Variants in PRIMPOL observed in about 807,000 individuals in gnomAD.
PRIMPOL encodes the protein DNA-directed primase/polymerase protein.
A neutral mutation model predicts 63.6 loss-of-function variants in PRIMPOL; 54 were observed. That is an observed-to-expected ratio of 0.85 (90% CI 0.68 to 1.07). The LOEUF (loss-of-function observed/expected upper bound fraction) is 1.07, where lower values mean the gene tolerates loss of function less well. PRIMPOL is among the 50% of genes least tolerant of loss of function. The probability of loss-of-function intolerance (pLI) is 0.00; values close to 1 mark genes in which losing one functional copy is unlikely to be tolerated. For missense variants in PRIMPOL, 610 were observed against 648.3 expected (o/e 0.94, Z 0.64); for synonymous variants, 197 against 220.2 (o/e 0.89, Z 0.93).
chr4:184,689,746 G>T (rs539999152), intron 11 of PRIMPOL, among the ~76,000 whole-genome samples: 1 of 152,068 alleles, frequency 6.6e-6, no homozygotes, highest in Non-Finnish European at 1.5e-5. Flanking sequence ...GAGCCACCAT[G>T]CCCGGCCTGA....
intron 2 of PRIMPOL, among the ~76,000 whole-genome samples, chr4:184,654,264 T>C (rs1336736584): frequency 2.0e-5 from 3 of 152,246 alleles, no homozygotes; most frequent in Non-Finnish European, 4.4e-5. Context: ...ATTCTGTATT[T>C]ATTTTCTTCA....
At chr4:184,672,095 T>C in intron 6 of PRIMPOL, 78 bp from the exon 7 acceptor site, 3 of 1,290,534 alleles carry the variant, frequency 2.3e-6, no homozygotes, top group East Asian at 2.3e-5. Context: ...AAAATTGTCA[T>C]ATGTGGATTC....
chr4:184,657,458 A>C, intron 3 of PRIMPOL, 138 bp downstream of exon 3: 1 of 644,454 alleles, frequency 1.6e-6, no homozygotes, highest in East Asian at 2.9e-5. Context: ...TTCTACCAAG[A>C]AAATTTAATG....
chr4:184,676,399 C>CCCCTTCCCTTCT (rs767868004), intron 7 of PRIMPOL, among the ~76,000 whole-genome samples: 2 of 95,220 alleles, frequency 2.1e-5, no homozygotes, highest in African/African-American at 4.9e-5. Flanking sequence ...CCTTCCCTTC[C>CCCCTTCCCTTCT]CCCTTCCCTT....
At position 184,685,920 on chromosome 4, in the gene PRIMPOL, G is replaced by A. The variant is rs553146128; in HGVS notation, c.1295+236G>A. Among the ~76,000 whole-genome samples the A allele has an allele frequency of 3.9e-5, 6 of 152,134 alleles. No individual in the cohort carries two copies. In the South Asian group the frequency reaches 8.3e-4, roughly 21 times the overall value. ...GGGTTCTAGCAATTCTCCTGCCTCA[G>A]CCTCCTAAGTAGCTGGGATTACAGG... On this transcript the variant is annotated intron_variant, in intron 11 of 13. Transcript: ENST00000314970.
rs753688620 is a variant in PRIMPOL at position 184,691,680 on chromosome 4, G to A, written c.1393G>A (p.Ala465Thr). The change falls in exon 13 of 14, where the codon GCT (alanine) becomes ACT (threonine). Residue 465 changes from alanine (A) to threonine (T), a missense_variant. Ala to Thr is a moderately conservative substitution (Grantham distance 58). This residue lies in a region of PRIMPOL where 444 missense variants were observed against 456.4 expected (regional missense o/e 0.97). Transcript: ENST00000314970. ...NFKSDCFPLPAEVCLLFLFKE... is the reference protein window; with the variant it reads ...NFKSDCFPLPTEVCLLFLFKE... ...TTCTGATTCAGGTTTCCCATTACCT[G>A]CTGAAGTATGTCTCCTGTTTCTTTT... 16 of 1,612,276 alleles carry A rather than the reference G, an allele frequency of 9.9e-6. No homozygotes were observed. The highest frequency in any genetic ancestry group is 1.4e-5 in the Non-Finnish European group (16 of 1,178,704).
intron 9 of PRIMPOL, 96 bp from the exon 10 acceptor site, chr4:184,685,313 T>C (rs1321920766): frequency 1.1e-6 from 1 of 874,236 alleles, no homozygotes; most frequent in Non-Finnish European, 1.9e-6. Flanking sequence ...GGCTGAGAGA[T>C]TGCAAAACCC....
chr4:184,665,181 A>T (rs2705902), intron 5 of PRIMPOL, among the ~76,000 whole-genome samples: 26,486 of 151,604 alleles, frequency 0.17, 3,509 homozygotes, highest in East Asian at 0.7. Flanking sequence ...AAGCAGTTAC[A>T]TGTGCTAAAA....
intron 8 of PRIMPOL, among the ~76,000 whole-genome samples, chr4:184,680,305 A>G (rs138825450): frequency 1.2e-3 from 186 of 152,240 alleles, no homozygotes; most frequent in African/African-American, 4.2e-3. Flanking sequence ...CTCCTGCCTC[A>G]GCCTCCCAAG....
intron 6 of PRIMPOL, among the ~76,000 whole-genome samples, chr4:184,667,549 A>T (rs1017041713): frequency 2.0e-5 from 3 of 152,130 alleles, no homozygotes; most frequent in Admixed American, 6.5e-5. Context: ...TGACCTTGTG[A>T]TCTGCCCGCC....
In PRIMPOL at chr4:184,691,790, C is replaced by T. The variant is rs144825071; in HGVS notation, c.1425+78C>T. On this transcript the variant is annotated intron_variant, in intron 13 of 13. Coordinates refer to ENST00000314970, the MANE Select transcript of PRIMPOL (RefSeq NM_152683.4). ...AGTATACCTGAGCCATGAGTAGTGTCCAAATAGCATTGAAACCCATTTGCT... is the reference window on the plus strand; with the variant it reads ...AGTATACCTGAGCCATGAGTAGTGTTCAAATAGCATTGAAACCCATTTGCT... The T allele has an allele frequency of 3.5e-3, 3,787 of 1,086,786 alleles. 11 individuals are homozygous for T. The highest frequency in any genetic ancestry group is 4.7e-3 in the Non-Finnish European group (3,347 of 717,878). The allele number at this position is 1,086,786 out of a possible 1,614,324, so 67.3% of individuals were successfully genotyped here. A position where few individuals can be genotyped will look rare whatever the true frequency, so the allele number is the denominator to read the frequency against.
chr4:184,666,751 C>A (rs922553937), intron 6 of PRIMPOL, among the ~76,000 whole-genome samples: 1 of 152,184 alleles, frequency 6.6e-6, no homozygotes, highest in Non-Finnish European at 1.5e-5. Flanking sequence ...GGGCTTCGGT[C>A]CCAGGTCGTA....
chr4:184,659,540 G>A (rs567259857), intron 4 of PRIMPOL, 103 bp downstream of exon 4: 7 of 809,588 alleles, frequency 8.6e-6, no homozygotes, highest in African/African-American at 3.4e-5. Context: ...TCCACAGTTC[G>A]TGACCACACT....
At chr4:184,657,390 A>G in intron 3 of PRIMPOL, 70 bp downstream of exon 3, 1 of 1,179,162 alleles carries the variant, frequency 8.5e-7, no homozygotes, top group Non-Finnish European at 1.2e-6. Context: ...CTTCTTCATT[A>G]TAATTTCAGT....
At position 184,665,946 on chromosome 4, in the gene PRIMPOL, C is replaced by G. The variant is rs201667994; in HGVS notation, c.438C>G (p.Tyr146Ter). 1 of 1,603,734 alleles carries G rather than the reference C, an allele frequency of 6.2e-7. No individual in the cohort carries two copies. The highest frequency in any genetic ancestry group is 8.5e-7 in the Non-Finnish European group (1 of 1,174,108). ...TGTGTAAAGCACTTCAAGAGTTATA[C>G]GGTGTTAATTGCTCAGCTGAAGATG... ...EYVCKALQEL[Y>*]GVNCSAEDVL... Residue 146 changes from tyrosine to a stop codon, truncating the protein, a stop_gained, in exon 6 of 14, where the codon TAC (tyrosine) becomes TAG (stop). Transcript: ENST00000314970. LOFTEE classifies it high-confidence loss of function.
At chr4:184,650,328 A>C (rs1743881730) in intron 1 of PRIMPOL, among the ~76,000 whole-genome samples, 1 of 152,274 alleles carries the variant, frequency 6.6e-6, no homozygotes, top group Non-Finnish European at 1.5e-5. Flanking sequence ...GAGGAAAAGA[A>C]GCCTGGTTTG....
intron 11 of PRIMPOL, among the ~76,000 whole-genome samples, chr4:184,687,678 G>A (rs942844000): frequency 2.7e-4 from 41 of 152,114 alleles, no homozygotes; most frequent in Non-Finnish European, 5.0e-4. Flanking sequence ...GCAATCGCAC[G>A]ATCTCGGCTC....
chr4:184,688,165 C>T (rs1757492490), intron 11 of PRIMPOL, among the ~76,000 whole-genome samples: 1 of 152,192 alleles, frequency 6.6e-6, no homozygotes, highest in East Asian at 1.9e-4. Context: ...ACCTAGTATA[C>T]ATGTGCTAGA....
At chr4:184,663,030 A>C (rs931823897) in intron 5 of PRIMPOL, among the ~76,000 whole-genome samples, 1 of 139,980 alleles carries the variant, frequency 7.1e-6, no homozygotes, top group African/African-American at 2.9e-5. Flanking sequence ...TATTATTATT[A>C]TTATTATTAT....
Sources: allele counts gnomAD v4.1 joint callset (sites outside exome capture counted in the v4.1 genomes callset), GRCh38; gene constraint gnomAD v4.1.1; regional missense constraint gnomAD v4.1.1; transcripts MANE v1.5; gene names NCBI Gene and HGNC (gene_info 2026-07-23, HGNC 2026-07-21).